PSME3: variants seen among roughly 807,000 people sequenced by gnomAD.
PSME3 encodes proteasome activator subunit 3, also known as proteasome activator complex subunit 3.
In PSME3, 7 loss-of-function variants were observed where a neutral mutation model predicts 38.3. The observed-to-expected ratio is 0.18, with a 90% CI of 0.10 to 0.34. The LOEUF (loss-of-function observed/expected upper bound fraction) is 0.34, where lower values mean the gene tolerates loss of function less well. PSME3 is among the 10% of genes least tolerant of loss of function. The pLI is 1.00. For synonymous variants in PSME3, 108 were observed against 105.7 expected (o/e 1.02, Z -0.13); for missense variants, 192 against 307.6 (o/e 0.62, Z 2.81).
At position 42,842,206 on chromosome 17, in the gene PSME3, A is replaced by G. The variant is rs1279607573; in HGVS notation, c.*628A>G. 1 of 152,524 alleles carries G rather than the reference A, an allele frequency of 6.6e-6. No homozygotes were observed. Among genetic ancestry groups the G allele is most frequent in the East Asian group, 1.9e-4 (1 of 5,336 alleles). 9.4% of individuals were successfully genotyped at this position (152,524 alleles called of 1,614,324 possible). A position where few individuals can be genotyped will look rare whatever the true frequency, so the allele number is the denominator to read the frequency against. The stretch of plus-strand genomic sequence containing the variant: ...TTTTATAATGGGCGTTTTCACATGC[A>G]CATATGTGTATGCATGTATACGCCC... On this transcript the variant is annotated 3_prime_UTR_variant, in exon 11 of 11. Transcript: ENST00000590720.
chr17:42,834,269 C>T, intron 1 of PSME3, 75 bp from the exon 2 acceptor site: 7 of 1,609,480 alleles, frequency 4.3e-6, no homozygotes, highest in Non-Finnish European at 5.9e-6. Context: ...GAGGGAAAGA[C>T]AGTTGGATTG....
Position 42,838,156 on chromosome 17 carries a change from T to C in PSME3, c.356T>C (p.Ile119Thr). The C allele has an allele frequency of 6.2e-7, 1 of 1,614,108 alleles. No individual in the cohort carries two copies. The highest frequency in any genetic ancestry group is 8.5e-7 in the Non-Finnish European group (1 of 1,180,024). Residue 119 changes from isoleucine (I) to threonine (T), a missense_variant, in exon 6 of 11, where the codon ATT becomes ACT. Transcript: ENST00000590720. The stretch of plus-strand genomic sequence containing the variant: ...AGCAACCAGCAGCTGGTGGACATTA[T>C]TGAGAAAGTGAAACCTGAGATCCGG... Reference protein sequence around the residue: ...LKSNQQLVDIIEKVKPEIRLL... With the variant: ...LKSNQQLVDITEKVKPEIRLL...
chr17:42,837,560 A>C (rs949050209), intron 4 of PSME3, 89 bp from the exon 5 acceptor site: 9 of 1,258,220 alleles, frequency 7.2e-6, no homozygotes, highest in Non-Finnish European at 2.3e-6. Flanking sequence ...TATGAGGCTG[A>C]GGAAGGGATT....
intron 10 of PSME3, among the ~76,000 whole-genome samples, chr17:42,840,260 G>A (rs1396451260): frequency 6.6e-6 from 1 of 151,966 alleles, no homozygotes; most frequent in African/African-American, 2.4e-5. Context: ...TCCAGCCTGG[G>A]CAACAAGAGC....
At chr17:42,838,318 T>G (rs1207243804) in intron 6 of PSME3, 113 bp downstream of exon 6, 3 of 1,482,776 alleles carry the variant, frequency 2.0e-6, no homozygotes, top group Non-Finnish European at 2.7e-6. Flanking sequence ...TTTTTGAGTT[T>G]TTTTTTTGAG....
At chr17:42,836,351 C>T (rs1479226043) in intron 4 of PSME3, among the ~76,000 whole-genome samples, 2 of 152,070 alleles carry the variant, frequency 1.3e-5, no homozygotes, top group African/African-American at 4.8e-5. Context: ...TAGTGTTGAT[C>T]CTGGTCCCTA....
At position 42,834,982 on chromosome 17, in the gene PSME3, G is replaced by A. The variant is rs2055444491; in HGVS notation, c.243+106G>A. 3 of 1,499,974 alleles carry A rather than the reference G, an allele frequency of 2.0e-6. No homozygotes were observed. In the African/African-American group the frequency reaches 4.2e-5, roughly 21 times the overall value. 92.9% of individuals were successfully genotyped at this position (1,499,974 alleles called of 1,614,324 possible). A position where few individuals can be genotyped will look rare whatever the true frequency, so the allele number is the denominator to read the frequency against. On this transcript the variant is annotated intron_variant, in intron 4 of 10. Transcript: ENST00000590720. The stretch of plus-strand genomic sequence containing the variant: ...GAGGGAACAGTGGGATTTGGATCTG[G>A]GAACTAGGACTCTGTTACAGACATG...
chr17:42,834,917 G>C, intron 4 of PSME3, 41 bp downstream of exon 4: 1 of 1,608,280 alleles, frequency 6.2e-7, no homozygotes, highest in South Asian at 1.1e-5. Flanking sequence ...TGAGCAGTAG[G>C]TCCTCTGTCC....
intron 5 of PSME3, 28 bp from the exon 6 acceptor site, chr17:42,838,065 G>T: frequency 6.2e-7 from 1 of 1,612,120 alleles, no homozygotes; most frequent in South Asian, 1.1e-5. Flanking sequence ...CCTCTTCCCT[G>T]ATCATTTGAC....
intron 4 of PSME3, among the ~76,000 whole-genome samples, 199 bp downstream of exon 4, chr17:42,835,075 T>C (rs2055445548): frequency 6.6e-6 from 1 of 152,184 alleles, no homozygotes; most frequent in Non-Finnish European, 1.5e-5. Context: ...GTCACTTTTT[T>C]TGCCCAAGCT....
chr17:42,834,823 C>T lies in PSME3; in HGVS notation c.190C>T (p.Leu64Phe). Reference sequence around the variant, plus strand: ...AACTCAGATCCACTCTGACATGAATCTCCCAGTCCCTGACCCCATTCTTCT... The same window carrying T: ...AACTCAGATCCACTCTGACATGAATTTCCCAGTCCCTGACCCCATTCTTCT... ...DLTQIHSDMN[L>F]PVPDPILLTN... Residue 64 changes from leucine to phenylalanine, a missense_variant, in exon 4 of 11, where the codon CTC (leucine) becomes TTC (phenylalanine). Transcript: ENST00000590720. The T allele has an allele frequency of 6.2e-7, 1 of 1,614,144 alleles. No homozygotes were observed. The highest frequency in any genetic ancestry group is 2.2e-5 in the East Asian group (1 of 44,870).
chr17:42,841,724 A>G lies in PSME3; in HGVS notation c.*146A>G, dbSNP rs1377496954. 1.8e-6 allele frequency: 1 copy of G among 542,198 alleles called. No homozygotes were observed. The highest frequency in any genetic ancestry group is 3.2e-6 in the Non-Finnish European group (1 of 314,814). The allele number at this position is 542,198 out of a possible 1,614,324, so 33.6% of individuals were successfully genotyped here. A position where few individuals can be genotyped will look rare whatever the true frequency, so the allele number is the denominator to read the frequency against. On this transcript the variant is annotated 3_prime_UTR_variant, in exon 11 of 11. Coordinates refer to ENST00000590720, the MANE Select transcript of PSME3 (RefSeq NM_005789.4). ...TTAGTTAGAGTCTAATGAAACTCTC[A>G]TCTAGTTCTGTGATGTGTTTACCTC...
At chr17:42,840,418 C>A (rs1185095699) in intron 10 of PSME3, among the ~76,000 whole-genome samples, 4 of 151,978 alleles carry the variant, frequency 2.6e-5, no homozygotes, top group African/African-American at 9.7e-5. Flanking sequence ...CCAGCCTGGC[C>A]AACATGGTGA....
At chr17:42,840,365 G>A (rs1316144986) in intron 10 of PSME3, among the ~76,000 whole-genome samples, 1 of 152,132 alleles carries the variant, frequency 6.6e-6, no homozygotes, top group African/African-American at 2.4e-5. Flanking sequence ...CAGCACTGTG[G>A]GAGGCTGAGG....
At position 42,839,984 on chromosome 17, in the gene PSME3, G is replaced by A. The variant is rs576500391; in HGVS notation, c.684+604G>A. Among the ~76,000 whole-genome samples, 58 of 144,156 alleles carry A rather than the reference G, an allele frequency of 4.0e-4. 2 individuals are homozygous for A. The East Asian group carries it at 9.0e-3, about 22-fold the overall frequency. The allele number at this position is 144,156 out of a possible 152,430, so 94.6% of individuals were successfully genotyped here. A position where few individuals can be genotyped will look rare whatever the true frequency, so the allele number is the denominator to read the frequency against. On this transcript the variant is annotated intron_variant, in intron 10 of 10. Coordinates refer to ENST00000590720, the MANE Select transcript of PSME3 (RefSeq NM_005789.4). ...GCACTCCAGCCTGGGCAACAAGAGC[G>A]AAACTCCATCTCAAAAAAAAAATAA...
intron 5 of PSME3, 133 bp from the exon 6 acceptor site, chr17:42,837,960 A>G (rs2055483595): frequency 1.0e-6 from 1 of 977,644 alleles, no homozygotes; most frequent in Non-Finnish European, 1.6e-6. Flanking sequence ...TGATTCTAAT[A>G]GTGGTGTCAT....
In PSME3 at chr17:42,833,416, G is replaced by A. The variant is rs1035086087; in HGVS notation, c.-216G>A. 3.3e-6 allele frequency: 2 copies of A among 607,514 alleles called. No homozygotes were observed. Among genetic ancestry groups the A allele is most frequent in the African/African-American group, 1.9e-5 (1 of 53,808 alleles). The allele number at this position is 607,514 out of a possible 1,614,324, so 37.6% of individuals were successfully genotyped here. On this transcript the variant is annotated 5_prime_UTR_variant, in exon 1 of 11. Transcript: ENST00000590720. ...TGTGACGCAGTTTCCGGCGTGAGCGGCGAAAGCCGGGAGGGCGAGCGAGAG... is the reference window on the plus strand; with the variant it reads ...TGTGACGCAGTTTCCGGCGTGAGCGACGAAAGCCGGGAGGGCGAGCGAGAG...
In PSME3 at chr17:42,837,974, A is replaced by G. The variant is rs937706561; in HGVS notation, c.293-119A>G. 1.7e-5 allele frequency: 18 copies of G among 1,083,676 alleles called. No homozygotes were observed. In the South Asian group the frequency reaches 2.3e-4, roughly 14 times the overall value. The allele number at this position is 1,083,676 out of a possible 1,614,324, so 67.1% of individuals were successfully genotyped here. A position where few individuals can be genotyped will look rare whatever the true frequency, so the allele number is the denominator to read the frequency against. On this transcript the variant is annotated intron_variant, in intron 5 of 10. Transcript: ENST00000590720. The stretch of plus-strand genomic sequence containing the variant: ...TTGATTCTAATAGTGGTGTCATGGT[A>G]GGATTGTGACAAAGGCAGAGGTCAT...
chr17:42,838,575 C>T, intron 6 of PSME3, 156 bp from the exon 7 acceptor site: 1 of 767,796 alleles, frequency 1.3e-6, no homozygotes, highest in Non-Finnish European at 2.1e-6. Context: ...GCTTCGGGGT[C>T]CCAAATTGCT....
Sources: allele counts gnomAD v4.1 joint callset (sites outside exome capture counted in the v4.1 genomes callset), GRCh38; gene constraint gnomAD v4.1.1; transcripts MANE v1.5; gene names NCBI Gene and HGNC (gene_info 2026-07-23, HGNC 2026-07-21).